The following PADI2 variants were observed in gnomAD, a reference collection of about 807,000 sequenced individuals.
PADI2 encodes the protein protein-arginine deiminase type-2.
PADI2 carries 70 observed loss-of-function variants against 81.1 expected under a neutral mutation model. That is an observed-to-expected ratio of 0.86 (90% CI 0.71 to 1.05). The LOEUF (loss-of-function observed/expected upper bound fraction) is 1.05, where lower values mean the gene tolerates loss of function less well. PADI2 is among the 50% of genes least tolerant of loss of function. The pLI is 0.00. For missense variants in PADI2, 853 were observed against 889.9 expected (o/e 0.96, Z 0.53); for synonymous variants, 338 against 358.0 (o/e 0.94, Z 0.63).
intron 6 of PADI2, among the ~76,000 whole-genome samples, chr1:17,087,484 G>GTTTATTTATTTATTTA (rs1440733727): frequency 2.6e-5 from 2 of 78,352 alleles, no homozygotes; most frequent in African/African-American, 5.8e-5. Flanking sequence ...TTTTATGTTT[G>GTTTATTTATTTATTTA]TTTGTTTGTT....
intron 6 of PADI2, among the ~76,000 whole-genome samples, chr1:17,088,929 A>AAACAAAG (rs1930574515): frequency 6.7e-6 from 1 of 150,140 alleles, no homozygotes; most frequent in Non-Finnish European, 1.5e-5. Context: ...AAAAAAAAAA[A>AAACAAAG]AACCAAGCCT....
intron 15 of PADI2, 113 bp downstream of exon 15, chr1:17,069,975 A>G: frequency 8.0e-7 from 1 of 1,245,488 alleles, no homozygotes; most frequent in East Asian, 2.6e-5. Context: ...ACAGCAGCTC[A>G]GCCAGGATTG....
rs574131754 is a variant in PADI2 at position 17,073,348 on chromosome 1, C to T, written c.1549+1508G>A. ...AGGAGAATGGCTTGAACCTGGGAGGCGGAGCTTGCAGTGAGCCGAGATGGC... is the reference window on the plus strand; with the variant it reads ...AGGAGAATGGCTTGAACCTGGGAGGTGGAGCTTGCAGTGAGCCGAGATGGC... On this transcript the variant is annotated intron_variant, in intron 13 of 15. Transcript: ENST00000375486. Among the ~76,000 whole-genome samples, 259 of 146,216 alleles carry T rather than the reference C, an allele frequency of 1.8e-3. 2 individuals carry two copies. Among genetic ancestry groups the T allele is most frequent in the African/African-American group, 6.1e-3 (240 of 39,290 alleles).
At chr1:17,102,743 T>C (rs948147279) in intron 3 of PADI2, among the ~76,000 whole-genome samples, 1 of 101,900 alleles carries the variant, frequency 9.8e-6, no homozygotes, top group Non-Finnish European at 2.1e-5. Context: ...GAAGGGGACC[T>C]TGACACTTGG....
chr1:17,071,598 G>A, intron 13 of PADI2, 107 bp from the exon 14 acceptor site: 1 of 840,982 alleles, frequency 1.2e-6, no homozygotes, highest in Non-Finnish European at 2.0e-6. Flanking sequence ...GACTGGGACT[G>A]GGGAGATGGG....
At chr1:17,117,924 A>G (rs907276561) in intron 1 of PADI2, among the ~76,000 whole-genome samples, 1 of 152,202 alleles carries the variant, frequency 6.6e-6, no homozygotes, top group Non-Finnish European at 1.5e-5. Flanking sequence ...TCTTGTTCTC[A>G]GAGACCACCC....
chr1:17,083,867 A>C, intron 8 of PADI2, 30 bp from the exon 9 acceptor site: 1 of 1,385,260 alleles, frequency 7.2e-7, no homozygotes, highest in South Asian at 1.2e-5. Context: ...AGGAGAGGCC[A>C]GGAGAAAGGG....
At chr1:17,105,669 C>T (rs1194513023) in intron 1 of PADI2, among the ~76,000 whole-genome samples, 2 of 152,150 alleles carry the variant, frequency 1.3e-5, no homozygotes, top group Non-Finnish European at 2.9e-5. Context: ...GCTGGGATTA[C>T]AGGTGTGAGC....
chr1:17,113,230 TAAC>T (rs1931645949), intron 1 of PADI2, among the ~76,000 whole-genome samples: 1 of 150,226 alleles, frequency 6.7e-6, no homozygotes, highest in African/African-American at 2.5e-5. Context: ...TACTAATACA[TAAC>T]AACTTACTGA....
At chr1:17,089,489 A>C (rs535910774) in intron 6 of PADI2, among the ~76,000 whole-genome samples, 1 of 152,080 alleles carries the variant, frequency 6.6e-6, no homozygotes, top group Non-Finnish European at 1.5e-5. Flanking sequence ...GGGCTCCACC[A>C]AGGTCTGGGG....
At chr1:17,078,607 C>T (rs1246979591) in intron 11 of PADI2, among the ~76,000 whole-genome samples, 3 of 152,132 alleles carry the variant, frequency 2.0e-5, no homozygotes, top group Non-Finnish European at 4.4e-5. Flanking sequence ...AGGCTGGTCT[C>T]GAACTTCTGG....
intron 10 of PADI2, among the ~76,000 whole-genome samples, chr1:17,079,711 T>C (rs1281437698): frequency 2.0e-5 from 3 of 152,050 alleles, no homozygotes; most frequent in African/African-American, 7.3e-5. Context: ...TGTGTATGCC[T>C]CTATTTCCCA....
chr1:17,094,829 G>A lies in PADI2; in HGVS notation c.411+1080C>T, dbSNP rs537654790. Among the ~76,000 whole-genome samples the A allele has an allele frequency of 5.3e-5, 8 of 152,342 alleles. No individual in the cohort carries two copies. The South Asian group carries it at 1.5e-3, about 28-fold the overall frequency. On this transcript the variant is annotated intron_variant, in intron 4 of 15. Transcript: ENST00000375486. The stretch of plus-strand genomic sequence containing the variant: ...GGAGGTTGGAAGCTGTCGCCCTGGG[G>A]CTGCTGGGTTTCAGAGGCCTCTGTG...
chr1:17,089,304 T>A (rs2746519), intron 6 of PADI2, among the ~76,000 whole-genome samples: 145,725 of 152,352 alleles, frequency 0.96, 69,702 homozygotes, highest in East Asian at 1. Flanking sequence ...CAGTCAGTAG[T>A]TTCAGATAGA....
At chr1:17,076,367 A>G (rs2078303033) in intron 11 of PADI2, among the ~76,000 whole-genome samples, 1 of 152,026 alleles carries the variant, frequency 6.6e-6, no homozygotes, top group Non-Finnish European at 1.5e-5. Context: ...GGCGTGTGCC[A>G]CCACGCCCGG....
intron 1 of PADI2, among the ~76,000 whole-genome samples, chr1:17,114,266 C>T (rs1931682274): frequency 6.6e-6 from 1 of 152,232 alleles, no homozygotes; most frequent in Admixed American, 6.5e-5. Context: ...ACAGGCATCA[C>T]AGGCCACATT....
At chr1:17,101,884 A>G (rs578227130) in intron 3 of PADI2, among the ~76,000 whole-genome samples, 1 of 152,308 alleles carries the variant, frequency 6.6e-6, no homozygotes, top group South Asian at 2.1e-4. Context: ...GGATGATAAT[A>G]ATAATATCTA....
chr1:17,089,856 T>G (rs990221739), intron 6 of PADI2, among the ~76,000 whole-genome samples: 1 of 152,148 alleles, frequency 6.6e-6, no homozygotes, highest in Non-Finnish European at 1.5e-5. Flanking sequence ...GCCCCAGGCA[T>G]TGGCTGGCAC....
intron 1 of PADI2, among the ~76,000 whole-genome samples, chr1:17,118,639 C>T (rs565344073): frequency 6.6e-6 from 1 of 152,330 alleles, no homozygotes. Flanking sequence ...TCCCCGTCGT[C>T]AGCTGGGTAG....
Sources: gnomAD v4.1 joint callset for allele counts (sites outside exome capture counted in the v4.1 genomes callset) on GRCh38, gnomAD v4.1.1 for gene constraint, MANE v1.5 for transcripts, NCBI Gene and HGNC (gene_info 2026-07-23, HGNC 2026-07-21) for gene names.